PCDHA13: variants seen among roughly 807,000 people sequenced by gnomAD.
The protein encoded by PCDHA13 is protocadherin alpha-13.
PCDHA13 carries 54 observed loss-of-function variants against 64.8 expected under a neutral mutation model. That is an observed-to-expected ratio of 0.83 (90% CI 0.67 to 1.04). The LOEUF (loss-of-function observed/expected upper bound fraction) is 1.04. PCDHA13 is among the 50% of genes least tolerant of loss of function. The pLI, the probability that PCDHA13 is intolerant of heterozygous loss-of-function variation, is 0.00. For synonymous variants in PCDHA13, 587 were observed against 564.4 expected, an observed-to-expected ratio of 1.04 and a Z score of -0.57; for missense variants, 1,248 against 1,254.3, an observed-to-expected ratio of 0.99 and a Z score of 0.08.
intron 1 of PCDHA13, among the ~76,000 whole-genome samples, chr5:140,941,230 T>C (rs536346214): frequency 7.3e-6 from 1 of 137,584 alleles, no homozygotes; most frequent in African/African-American, 2.9e-5. Context: ...TTTCTTTCTT[T>C]CTTTCTTTCT....
chr5:140,998,042 C>T (rs187874119), intron 3 of PCDHA13, among the ~76,000 whole-genome samples: 21 of 152,284 alleles, frequency 1.4e-4, no homozygotes, highest in Non-Finnish European at 2.2e-4. Flanking sequence ...TGTCACTTAA[C>T]TCAGTGACAT....
intron 3 of PCDHA13, among the ~76,000 whole-genome samples, chr5:140,989,765 C>T (rs2097359812): frequency 6.6e-6 from 1 of 152,166 alleles, no homozygotes; most frequent in South Asian, 2.1e-4. Context: ...ATATTCAGTT[C>T]AAGCACTGGC....
In PCDHA13 at chr5:140,882,462, G is replaced by C. The variant is rs1487611246; in HGVS notation, c.194G>C (p.Arg65Pro). The C allele has an allele frequency of 6.2e-7, 1 of 1,613,916 alleles. No homozygotes were observed. Among genetic ancestry groups the C allele is most frequent in the Non-Finnish European group, 8.5e-7 (1 of 1,180,046 alleles). The change falls in exon 1 of 4, where the codon CGG (arginine) becomes CCG (proline). Residue 65 changes from arginine (R) to proline (P), a missense_variant. Transcript: ENST00000289272. Reference sequence around the variant, plus strand: ...GCGGAGCTGGTGCCGCGCCTGTTCCGGGTGGCGTCCAAAAGACACGGGGAC... The same window carrying C: ...GCGGAGCTGGTGCCGCGCCTGTTCCCGGTGGCGTCCAAAAGACACGGGGAC... Reference protein sequence around the residue: ...ELAELVPRLFRVASKRHGDLL... With the variant: ...ELAELVPRLFPVASKRHGDLL...
At position 140,963,044 on chromosome 5, in the gene PCDHA13, T is replaced by C. The variant is rs144557802; in HGVS notation, c.2395-15905T>C. On this transcript the variant is annotated intron_variant, in intron 1 of 3. Transcript: ENST00000289272. The stretch of plus-strand genomic sequence containing the variant: ...AAGCAATTAACATTTATTGAGAGTC[T>C]ATAAGGGTTTCTACATTGTGAAGGA... Among the ~76,000 whole-genome samples the C allele has an allele frequency of 9.3e-4, 141 of 152,294 alleles. 1 individual carries two copies. Among genetic ancestry groups the C allele is most frequent in the African/African-American group, 2.9e-3 (121 of 41,576 alleles).
chr5:140,952,006 T>C (rs2094672029), intron 1 of PCDHA13, among the ~76,000 whole-genome samples: 1 of 152,184 alleles, frequency 6.6e-6, no homozygotes, highest in African/African-American at 2.4e-5. Context: ...GAAAGAATTA[T>C]AGGCCCCATG....
intron 3 of PCDHA13, among the ~76,000 whole-genome samples, chr5:140,996,730 A>G (rs1271920339): frequency 2.6e-5 from 4 of 152,228 alleles, no homozygotes; most frequent in African/African-American, 9.6e-5. Context: ...AGAAGAAACA[A>G]AAGTCATAAC....
chr5:140,889,029 G>A (rs540289378), intron 1 of PCDHA13, among the ~76,000 whole-genome samples: 8 of 151,946 alleles, frequency 5.3e-5, no homozygotes, highest in African/African-American at 1.2e-4. Flanking sequence ...TTGGATAACC[G>A]TAATTTGATT....
At chr5:140,939,243 T>C (rs1414943094) in intron 1 of PCDHA13, among the ~76,000 whole-genome samples, 1 of 152,168 alleles carries the variant, frequency 6.6e-6, no homozygotes, top group Non-Finnish European at 1.5e-5. Context: ...AGGAGCAAGG[T>C]AGCTCTCTGG....
At position 140,950,404 on chromosome 5, in the gene PCDHA13, T is replaced by C. The variant is rs947428237; in HGVS notation, c.2395-28545T>C. ...TTGAATGATATAGAATTCTGGGGGATTGACAGATTTTATTTTCTTCCACTT... is the reference window on the plus strand; with the variant it reads ...TTGAATGATATAGAATTCTGGGGGACTGACAGATTTTATTTTCTTCCACTT... On this transcript the variant is annotated intron_variant, in intron 1 of 3. Coordinates refer to ENST00000289272, the MANE Select transcript of PCDHA13 (RefSeq NM_018904.3). 2.0e-5 allele frequency among the ~76,000 whole-genome samples: 3 copies of C among 152,044 alleles called. 1 individual carries two copies. Among genetic ancestry groups the C allele is most frequent in the East Asian group, 1.9e-4 (1 of 5,204 alleles).
chr5:140,919,335 G>A (rs1347619989), intron 1 of PCDHA13, among the ~76,000 whole-genome samples: 2 of 152,122 alleles, frequency 1.3e-5, no homozygotes, highest in African/African-American at 4.8e-5. Context: ...CTTTCAATCT[G>A]TTTGTATCTT....
At chr5:140,992,820 TG>T (rs1554253214) in intron 3 of PCDHA13, among the ~76,000 whole-genome samples, 1 of 152,164 alleles carries the variant, frequency 6.6e-6, no homozygotes, top group Non-Finnish European at 1.5e-5. Flanking sequence ...AGGATGTGTT[TG>T]TTTTTTGGGA....
At chr5:140,927,725 C>CA in intron 1 of PCDHA13, 1 of 1,614,202 alleles carries the variant, frequency 6.2e-7, no homozygotes, top group Non-Finnish European at 8.5e-7. Context: ...AGCACGCAAG[C>CA]AGAGCTGCGA....
At chr5:140,980,447 C>T (rs952861849) in intron 2 of PCDHA13, among the ~76,000 whole-genome samples, 4 of 152,036 alleles carry the variant, frequency 2.6e-5, no homozygotes, top group Admixed American at 6.6e-5. Context: ...CTGGACAACA[C>T]GGTGAAACCC....
intron 1 of PCDHA13, among the ~76,000 whole-genome samples, chr5:140,900,125 G>A (rs2067765908): frequency 6.6e-6 from 1 of 152,056 alleles, no homozygotes; most frequent in South Asian, 2.1e-4. Context: ...TTGATTTTTA[G>A]GTACCACAAA....
At chr5:140,976,248 T>G (rs1476905185) in intron 1 of PCDHA13, among the ~76,000 whole-genome samples, 5 of 152,032 alleles carry the variant, frequency 3.3e-5, no homozygotes, top group African/African-American at 9.7e-5. Context: ...TCATGTAAAT[T>G]TATTTAAAAC....
intron 1 of PCDHA13, among the ~76,000 whole-genome samples, chr5:140,932,168 A>G (rs1279324749): frequency 1.3e-5 from 2 of 151,944 alleles, no homozygotes; most frequent in African/African-American, 4.8e-5. Flanking sequence ...ACAATTAGAC[A>G]ATGTGTACCT....
chr5:140,960,913 T>C (rs184385777), intron 1 of PCDHA13, among the ~76,000 whole-genome samples: 10 of 152,320 alleles, frequency 6.6e-5, no homozygotes, highest in Admixed American at 2.6e-4. Flanking sequence ...GAGTTTCAGA[T>C]AGAAAATTGG....
intron 1 of PCDHA13, among the ~76,000 whole-genome samples, chr5:140,939,948 A>C (rs2153644220): frequency 6.6e-6 from 1 of 152,296 alleles, no homozygotes; most frequent in Admixed American, 6.5e-5. Context: ...TACTGAGAAA[A>C]TTATGTTAAA....
chr5:140,948,281 T>C (rs1375756050), intron 1 of PCDHA13, among the ~76,000 whole-genome samples: 1 of 151,620 alleles, frequency 6.6e-6, no homozygotes, highest in Non-Finnish European at 1.5e-5. Context: ...TATCTGTAAA[T>C]AATTTTGTAA....
Sources: gnomAD v4.1 joint callset for allele counts (sites outside exome capture counted in the v4.1 genomes callset) on GRCh38, gnomAD v4.1.1 for gene constraint, MANE v1.5 for transcripts, NCBI Gene and HGNC (gene_info 2026-07-23, HGNC 2026-07-21) for gene names.